EBF1: variants seen among roughly 807,000 people sequenced by gnomAD.
EBF1 encodes the protein EBF transcription factor 1.
A neutral mutation model predicts 68.4 loss-of-function variants in EBF1; 10 were observed. The observed-to-expected ratio is 0.15, with a 90% CI of 0.09 to 0.25. EBF1 has a LOEUF of 0.25. EBF1 is among the 10% of genes least tolerant of loss of function. The pLI is 1.00. For synonymous variants in EBF1, 298 were observed against 299.8 expected (o/e 0.99, Z 0.06); for missense variants, 509 against 794.4 (o/e 0.64, Z 4.32).
chr5:158,826,050 C>T (rs1329084757), intron 7 of EBF1, among the ~76,000 whole-genome samples: 1 of 152,092 alleles, frequency 6.6e-6, no homozygotes, highest in Non-Finnish European at 1.5e-5. Context: ...GACACATTCA[C>T]ACAGGCAAGG....
intron 6 of EBF1, among the ~76,000 whole-genome samples, chr5:158,848,753 A>T (rs1304727771): frequency 1.3e-5 from 2 of 152,214 alleles, no homozygotes; most frequent in Non-Finnish European, 2.9e-5. Context: ...TTAGCATTTT[A>T]AAGCAGATTC....
chr5:158,732,441 T>C (rs1339651636), intron 10 of EBF1, among the ~76,000 whole-genome samples: 2 of 152,170 alleles, frequency 1.3e-5, no homozygotes, highest in Non-Finnish European at 2.9e-5. Flanking sequence ...TAAAAGGACA[T>C]TTAAATTGAA....
At chr5:158,704,507 A>G (rs1180730905) in intron 15 of EBF1, among the ~76,000 whole-genome samples, 1 of 152,180 alleles carries the variant, frequency 6.6e-6, no homozygotes. Flanking sequence ...AATGATCACA[A>G]TTCTGAACTA....
At chr5:159,096,778 G>A (rs1048443149) in intron 2 of EBF1, among the ~76,000 whole-genome samples, 196 bp downstream of exon 2, 1 of 152,156 alleles carries the variant, frequency 6.6e-6, no homozygotes, top group African/African-American at 2.4e-5. Flanking sequence ...TGGGGGCTCC[G>A]TGCGAACTTT....
At chr5:158,886,330 C>A (rs1386491262) in intron 6 of EBF1, among the ~76,000 whole-genome samples, 1 of 152,226 alleles carries the variant, frequency 6.6e-6, no homozygotes, top group East Asian at 1.9e-4. Context: ...TGTCTTCCAG[C>A]AATCCTCATC....
At chr5:158,988,421 C>T (rs1039537560) in intron 6 of EBF1, among the ~76,000 whole-genome samples, 4 of 152,126 alleles carry the variant, frequency 2.6e-5, no homozygotes, top group African/African-American at 7.2e-5. Flanking sequence ...GCATCCTGAG[C>T]GACTACACCA....
intron 10 of EBF1, among the ~76,000 whole-genome samples, chr5:158,775,122 C>T (rs1433234015): frequency 6.6e-6 from 1 of 151,950 alleles, no homozygotes; most frequent in East Asian, 1.9e-4. Flanking sequence ...CCCTTAACTA[C>T]TTTTCTAGGC....
chr5:159,045,996 T>A (rs1461831580), intron 6 of EBF1, among the ~76,000 whole-genome samples: 1 of 152,182 alleles, frequency 6.6e-6, no homozygotes, highest in Non-Finnish European at 1.5e-5. Flanking sequence ...CCACCAGTAA[T>A]GACCAAGACT....
chr5:158,992,325 AT>A lies in EBF1; in HGVS notation c.554+81070del, dbSNP rs112472482. Among the ~76,000 whole-genome samples the A allele has an allele frequency of 7.8e-3, 1,149 of 148,094 alleles. 13 individuals carry two copies. Among genetic ancestry groups the A allele is most frequent in the East Asian group, 0.024 (121 of 5,084 alleles). ...ATGCTCTCAATGGCTTTCCCTAATG[AT>A]TTTTTTTTTTCATCAGAATTAAAGA... is the stretch of plus-strand genomic sequence containing the variant. On this transcript the variant is annotated intron_variant, in intron 6 of 15. Coordinates refer to ENST00000313708, the MANE Select transcript of EBF1 (RefSeq NM_024007.5).
intron 7 of EBF1, among the ~76,000 whole-genome samples, chr5:158,824,458 T>C (rs1305662345): frequency 6.6e-6 from 1 of 152,238 alleles, no homozygotes; most frequent in Non-Finnish European, 1.5e-5. Flanking sequence ...GGCTAATAGA[T>C]CTGCTCTCAT....
At chr5:159,024,290 A>T (rs973757825) in intron 6 of EBF1, among the ~76,000 whole-genome samples, 3 of 152,180 alleles carry the variant, frequency 2.0e-5, no homozygotes, top group African/African-American at 7.2e-5. Flanking sequence ...AAAACTCATT[A>T]CCTGCGTGAC....
intron 9 of EBF1, among the ~76,000 whole-genome samples, chr5:158,791,720 A>G (rs1778648797): frequency 6.6e-6 from 1 of 152,132 alleles, no homozygotes; most frequent in Admixed American, 6.6e-5. Flanking sequence ...CAAACCATCT[A>G]CTTCTGACTA....
chr5:158,793,672 T>C (rs963879779), intron 9 of EBF1, among the ~76,000 whole-genome samples: 1 of 152,178 alleles, frequency 6.6e-6, no homozygotes, highest in Non-Finnish European at 1.5e-5. Flanking sequence ...AGTTTACTCA[T>C]ATGTAAAATT....
At chr5:158,922,770 G>T (rs1294462938) in intron 6 of EBF1, among the ~76,000 whole-genome samples, 1 of 152,162 alleles carries the variant, frequency 6.6e-6, no homozygotes, top group Non-Finnish European at 1.5e-5. Context: ...GAACTGTTCA[G>T]GTTATTGTCA....
rs2127358887 is a variant in EBF1 at position 158,910,611 on chromosome 5, TAAAAA to T, written c.555-70506_555-70502del. Among the ~76,000 whole-genome samples the T allele has an allele frequency of 2.0e-5, 3 of 152,338 alleles. No homozygotes were observed. In the South Asian group the frequency reaches 6.2e-4, roughly 32 times the overall value. ...TGTAGATGTGATTTTCTTTGCTCAA[TAAAAA>T]ATTAATTGATGTATGCCCTCAGACT... On this transcript the variant is annotated intron_variant, in intron 6 of 15. Coordinates refer to ENST00000313708, the MANE Select transcript of EBF1 (RefSeq NM_024007.5).
intron 6 of EBF1, among the ~76,000 whole-genome samples, chr5:158,864,544 G>T (rs1795534839): frequency 6.6e-6 from 1 of 152,036 alleles, no homozygotes; most frequent in South Asian, 2.1e-4. Flanking sequence ...CTGGAGTGGA[G>T]AAGATAGGAG....
At chr5:158,970,021 T>C (rs1168409949) in intron 6 of EBF1, among the ~76,000 whole-genome samples, 1 of 151,868 alleles carries the variant, frequency 6.6e-6, no homozygotes, top group African/African-American at 2.4e-5. Context: ...TTTAGGCACA[T>C]GAAAAATGAC....
At chr5:158,757,929 C>T (rs765662721) in intron 10 of EBF1, among the ~76,000 whole-genome samples, 2 of 152,020 alleles carry the variant, frequency 1.3e-5, no homozygotes, top group East Asian at 1.9e-4. Context: ...AGGCATAGTA[C>T]GAGGCACTGG....
intron 2 of EBF1, chr5:159,096,739 G>T (rs1782687569): frequency 1.6e-6 from 1 of 628,626 alleles, no homozygotes; most frequent in East Asian, 2.8e-5. Flanking sequence ...GCTGTGGATT[G>T]TAGAGCCAGG....
Sources: allele counts gnomAD v4.1 joint callset (sites outside exome capture counted in the v4.1 genomes callset), GRCh38; gene constraint gnomAD v4.1.1; transcripts MANE v1.5; gene names NCBI Gene and HGNC (gene_info 2026-07-23, HGNC 2026-07-21).